SEMA3E: variants seen among roughly 807,000 people sequenced by gnomAD.
SEMA3E encodes semaphorin 3E.
A neutral mutation model predicts 93.6 loss-of-function variants in SEMA3E; 49 were observed. The ratio of observed to expected loss-of-function variants is 0.52; its 90% confidence interval spans 0.42 to 0.66. The LOEUF is 0.66. SEMA3E is among the 30% of genes least tolerant of loss of function. The probability of loss-of-function intolerance (pLI) is 0.00; values close to 1 mark genes in which losing one functional copy is unlikely to be tolerated. For synonymous variants in SEMA3E, 363 were observed against 330.7 expected, an observed-to-expected ratio of 1.10 and a Z score of -1.06; for missense variants, 906 against 964.8, an observed-to-expected ratio of 0.94 and a Z score of 0.81.
chr7:83,618,509 A>T (rs1230020984), intron 1 of SEMA3E, among the ~76,000 whole-genome samples: 1 of 152,000 alleles, frequency 6.6e-6, no homozygotes, highest in Non-Finnish European at 1.5e-5. Flanking sequence ...TTATAACTAG[A>T]GTGGCTTTAT....
At chr7:83,522,999 C>T (rs567379265) in intron 1 of SEMA3E, among the ~76,000 whole-genome samples, 1 of 152,146 alleles carries the variant, frequency 6.6e-6, no homozygotes, top group Admixed American at 6.6e-5. Flanking sequence ...AGCATTTAAA[C>T]AACTATGCAC....
At chr7:83,579,534 C>T (rs215295) in intron 1 of SEMA3E, among the ~76,000 whole-genome samples, 2 of 151,808 alleles carry the variant, frequency 1.3e-5, no homozygotes, top group Non-Finnish European at 2.9e-5. Flanking sequence ...GACATTGGCA[C>T]ATATTTCTGC....
intron 2 of SEMA3E, among the ~76,000 whole-genome samples, chr7:83,479,120 C>G (rs1346016031): frequency 6.6e-6 from 1 of 152,110 alleles, no homozygotes; most frequent in African/African-American, 2.4e-5. Context: ...TACTGCATAC[C>G]CTCTTCCCAC....
intron 1 of SEMA3E, among the ~76,000 whole-genome samples, chr7:83,532,068 A>T (rs1791313275): frequency 6.6e-6 from 1 of 152,208 alleles, no homozygotes; most frequent in Non-Finnish European, 1.5e-5. Context: ...ACATGTATAA[A>T]TTAGGGAAAC....
intron 1 of SEMA3E, among the ~76,000 whole-genome samples, chr7:83,640,819 G>A (rs1159586024): frequency 2.0e-5 from 3 of 152,034 alleles, no homozygotes; most frequent in African/African-American, 7.2e-5. Context: ...AGAAGGGGTG[G>A]TGCCAGCCTC....
At chr7:83,454,085 C>T (rs1233645316) in intron 4 of SEMA3E, among the ~76,000 whole-genome samples, 1 of 150,596 alleles carries the variant, frequency 6.6e-6, no homozygotes, top group Admixed American at 6.6e-5. Context: ...GGTGAAAACC[C>T]GTCTCTACTA....
chr7:83,437,327 T>C (rs527515504), intron 4 of SEMA3E, among the ~76,000 whole-genome samples: 1 of 152,218 alleles, frequency 6.6e-6, no homozygotes, highest in African/African-American at 2.4e-5. Flanking sequence ...ACTTAAGATA[T>C]AGGACAATTA....
chr7:83,620,587 A>C (rs933388554), intron 1 of SEMA3E, among the ~76,000 whole-genome samples: 2 of 152,134 alleles, frequency 1.3e-5, no homozygotes, highest in African/African-American at 4.8e-5. Flanking sequence ...ATATGGATAC[A>C]AAAATCCTCA....
At chr7:83,398,631 T>C (rs1161865383) in intron 11 of SEMA3E, among the ~76,000 whole-genome samples, 1 of 152,206 alleles carries the variant, frequency 6.6e-6, no homozygotes, top group Non-Finnish European at 1.5e-5. Flanking sequence ...TGTTTTCTTT[T>C]TTAAATCTTT....
At chr7:83,387,891 T>TAA (rs1787914844) in intron 14 of SEMA3E, among the ~76,000 whole-genome samples, 1 of 146,704 alleles carries the variant, frequency 6.8e-6, no homozygotes, top group South Asian at 2.1e-4. Flanking sequence ...TATATATATA[T>TAA]AACATTATAT....
intron 1 of SEMA3E, among the ~76,000 whole-genome samples, chr7:83,499,693 A>T (rs1185698008): frequency 1.3e-5 from 2 of 152,168 alleles, no homozygotes; most frequent in African/African-American, 4.8e-5. Flanking sequence ...GTTTTATTTT[A>T]AAAAATAGAG....
chr7:83,545,566 A>AAAAAG (rs1554336843), intron 1 of SEMA3E, among the ~76,000 whole-genome samples: 4 of 105,880 alleles, frequency 3.8e-5, no homozygotes, highest in African/African-American at 2.1e-4. Flanking sequence ...AAAAAAAAAA[A>AAAAAG]AAAGAAATAG....
chr7:83,490,829 A>G (rs1276986817), intron 1 of SEMA3E, among the ~76,000 whole-genome samples: 1 of 152,100 alleles, frequency 6.6e-6, no homozygotes, highest in African/African-American at 2.4e-5. Flanking sequence ...ATTTTTGCTA[A>G]TACTCTTGCA....
chr7:83,506,157 T>C (rs1419252970), intron 1 of SEMA3E, among the ~76,000 whole-genome samples: 1 of 151,844 alleles, frequency 6.6e-6, no homozygotes, highest in Non-Finnish European at 1.5e-5. Flanking sequence ...TAATTTTTGA[T>C]AGGCTTCAAA....
intron 1 of SEMA3E, among the ~76,000 whole-genome samples, chr7:83,565,995 CT>C (rs750248438): frequency 0.031 from 3,504 of 112,566 alleles, 44 homozygotes; most frequent in African/African-American, 0.093. Flanking sequence ...TGTTTCCACT[CT>C]TTTTTTTTTT....
intron 1 of SEMA3E, among the ~76,000 whole-genome samples, chr7:83,602,145 G>A (rs1391473902): frequency 1.3e-5 from 2 of 152,182 alleles, no homozygotes; most frequent in South Asian, 2.1e-4. Flanking sequence ...TGAGATGGGT[G>A]AGGATTTTGT....
At chr7:83,459,394 T>C (rs1789562066) in intron 4 of SEMA3E, among the ~76,000 whole-genome samples, 1 of 152,154 alleles carries the variant, frequency 6.6e-6, no homozygotes, top group Non-Finnish European at 1.5e-5. Flanking sequence ...TTCAAATAAA[T>C]GAAACTGAAT....
At chr7:83,611,845 A>T (rs1163159754) in intron 1 of SEMA3E, among the ~76,000 whole-genome samples, 1 of 152,032 alleles carries the variant, frequency 6.6e-6, no homozygotes, top group East Asian at 1.9e-4. Flanking sequence ...TGAGAGTCAG[A>T]CCAAGTCATT....
intron 2 of SEMA3E, among the ~76,000 whole-genome samples, chr7:83,483,033 A>G (rs965050385): frequency 6.6e-6 from 1 of 152,108 alleles, no homozygotes; most frequent in African/African-American, 2.4e-5. Context: ...AAAAATTTAG[A>G]ATGCTTTCTA....
Sources: gnomAD v4.1 joint callset for allele counts (sites outside exome capture counted in the v4.1 genomes callset) on GRCh38, gnomAD v4.1.1 for gene constraint, MANE v1.5 for transcripts, NCBI Gene and HGNC (gene_info 2026-07-23, HGNC 2026-07-21) for gene names.